Variants in COL23A1 observed in about 807,000 individuals in gnomAD.
COL23A1 encodes collagen alpha-1(XXIII) chain.
Under a neutral mutation model 99.3 loss-of-function variants are expected in COL23A1, and 97 were observed. That is an observed-to-expected ratio of 0.98 (90% CI 0.83 to 1.16). The LOEUF is 1.16. Among genes scored for constraint, COL23A1 ranks in the 50% most tolerant of loss-of-function variants. The pLI, the probability that COL23A1 is intolerant of heterozygous loss-of-function variation, is 0.00. For missense variants in COL23A1, 762 were observed against 757.4 expected (o/e 1.01, Z -0.07); for synonymous variants, 320 against 308.2 (o/e 1.04, Z -0.40).
intron 2 of COL23A1, among the ~76,000 whole-genome samples, chr5:178,519,109 G>T (rs1400631963): frequency 6.6e-6 from 1 of 152,078 alleles, no homozygotes; most frequent in African/African-American, 2.4e-5. Flanking sequence ...ACCCCAGCCC[G>T]CGGCGCCTTC....
intron 2 of COL23A1, among the ~76,000 whole-genome samples, chr5:178,553,726 T>G (rs567245281): frequency 6.6e-6 from 1 of 152,272 alleles, no homozygotes; most frequent in East Asian, 1.9e-4. Context: ...CCACACACTT[T>G]CCTTTTCTGT....
chr5:178,384,909 G>T lies in COL23A1; in HGVS notation c.362-77990C>A, dbSNP rs1763588722. Among the ~76,000 whole-genome samples, 1 of 151,676 alleles carries T rather than the reference G, an allele frequency of 6.6e-6. No individual in the cohort carries two copies. The highest frequency in any genetic ancestry group is 1.5e-5 in the Non-Finnish European group (1 of 67,872). ...GGAAGAGCGCGGTGAGAGGTCAAAT[G>T]GGTGGCGAGGCTCCCGCTCCTTCCC... is the stretch of plus-strand genomic sequence containing the variant. On this transcript the variant is annotated intron_variant, in intron 2 of 28. Transcript: ENST00000390654. This position sits in a 1 kb window ranked among gnomAD's most constrained non-coding sequence, Gnocchi z 5.5.
intron 1 of COL23A1, among the ~76,000 whole-genome samples, chr5:178,573,559 G>C (rs1327137273): frequency 6.6e-6 from 1 of 152,322 alleles, no homozygotes; most frequent in East Asian, 1.9e-4. Context: ...TGTTTTGAAA[G>C]GGTTGGTCTA....
rs1767066444 is a variant in COL23A1 at position 178,444,755 on chromosome 5, C to A, written c.361+115927G>T. ...AGGTTGCAGTGAGCTGAGATGGCGC[C>A]ACTGCACTCCAACCTGGGCGACAGA... On this transcript the variant is annotated intron_variant, in intron 2 of 28. Transcript: ENST00000390654. Among the ~76,000 whole-genome samples, 4 of 152,152 alleles carry A rather than the reference C, an allele frequency of 2.6e-5. No individual in the cohort carries two copies. In the South Asian group the frequency reaches 8.3e-4, roughly 31 times the overall value.
chr5:178,416,686 G>T (rs1581347454), intron 2 of COL23A1, among the ~76,000 whole-genome samples: 2 of 152,216 alleles, frequency 1.3e-5, no homozygotes, highest in South Asian at 4.1e-4. Context: ...TTTCACAGAT[G>T]AGGAAACTGA....
At chr5:178,267,041 C>T (rs1054283472) in intron 8 of COL23A1, among the ~76,000 whole-genome samples, 2 of 152,232 alleles carry the variant, frequency 1.3e-5, no homozygotes, top group Non-Finnish European at 1.5e-5. Flanking sequence ...TCTGGGGTCA[C>T]GTGCCAGCCC....
At chr5:178,269,618 CCATCCATT>C (rs1223920835) in intron 6 of COL23A1, among the ~76,000 whole-genome samples, 3 of 145,810 alleles carry the variant, frequency 2.1e-5, no homozygotes, top group Non-Finnish European at 4.5e-5. Flanking sequence ...ATCCATCCAT[CCATCCATT>C]CATCCACCCA....
chr5:178,550,418 C>T (rs938313911), intron 2 of COL23A1, among the ~76,000 whole-genome samples: 6 of 152,134 alleles, frequency 3.9e-5, no homozygotes, highest in Non-Finnish European at 8.8e-5. Context: ...GCCAGTAGCA[C>T]CCACAAAGTA....
intron 1 of COL23A1, among the ~76,000 whole-genome samples, chr5:178,577,170 G>T (rs1342289442): frequency 6.6e-6 from 1 of 152,178 alleles, no homozygotes. Flanking sequence ...GCCGTCCGGG[G>T]ATCCCGCGGG....
At chr5:178,552,887 T>A (rs189090172) in intron 2 of COL23A1, among the ~76,000 whole-genome samples, 5 of 152,178 alleles carry the variant, frequency 3.3e-5, no homozygotes, top group Non-Finnish European at 5.9e-5. Flanking sequence ...CTAATTTTTG[T>A]ATTTTTAGTA....
At chr5:178,443,249 G>C (rs183564533) in intron 2 of COL23A1, among the ~76,000 whole-genome samples, 148 of 152,232 alleles carry the variant, frequency 9.7e-4, no homozygotes, top group South Asian at 1.9e-3. Context: ...TACTTTCTCA[G>C]TGAGCTGCAA....
chr5:178,370,802 C>T (rs558359812), intron 2 of COL23A1, among the ~76,000 whole-genome samples: 45 of 152,146 alleles, frequency 3.0e-4, no homozygotes, highest in Non-Finnish European at 6.0e-4. Flanking sequence ...ATTAGCCCAG[C>T]GTGGTGGTGT....
chr5:178,502,418 A>G (rs891259285), intron 2 of COL23A1, among the ~76,000 whole-genome samples: 11 of 152,238 alleles, frequency 7.2e-5, no homozygotes, highest in African/African-American at 2.2e-4. Flanking sequence ...GGCGTGAGCC[A>G]CTGCGCCCAG....
chr5:178,521,104 T>C (rs181430377), intron 2 of COL23A1, among the ~76,000 whole-genome samples: 10 of 152,270 alleles, frequency 6.6e-5, no homozygotes, highest in East Asian at 1.9e-4. Context: ...CCATAGATGA[T>C]TGCAACACAG....
intron 3 of COL23A1, among the ~76,000 whole-genome samples, chr5:178,304,872 C>T (rs1255859247): frequency 6.6e-6 from 1 of 152,138 alleles, no homozygotes; most frequent in African/African-American, 2.4e-5. Flanking sequence ...GTCTGAGGAT[C>T]GCATGAGATA....
At chr5:178,267,176 G>C in intron 8 of COL23A1, 131 bp downstream of exon 8, 1 of 992,680 alleles carries the variant, frequency 1.0e-6, no homozygotes, top group Non-Finnish European at 1.6e-6. Flanking sequence ...CTATGGGTGG[G>C]GAAGAGCCCT....
chr5:178,282,475 A>G (rs935506693), intron 5 of COL23A1, among the ~76,000 whole-genome samples: 1 of 152,196 alleles, frequency 6.6e-6, no homozygotes, highest in African/African-American at 2.4e-5. Context: ...TCTCCTGCCA[A>G]TAAGCAGCCC....
intron 2 of COL23A1, among the ~76,000 whole-genome samples, chr5:178,343,667 T>A (rs956150480): frequency 0.017 from 1,821 of 106,588 alleles, 24 homozygotes; most frequent in African/African-American, 0.041. Flanking sequence ...ATATATATTT[T>A]TTTTTTTTTT....
chr5:178,354,855 G>A (rs577774365), intron 2 of COL23A1, among the ~76,000 whole-genome samples: 6 of 152,202 alleles, frequency 3.9e-5, no homozygotes, highest in South Asian at 2.1e-4. Flanking sequence ...TCAGGAGTTC[G>A]AAACCAGCCT....
Sources: allele counts gnomAD v4.1 joint callset (sites outside exome capture counted in the v4.1 genomes callset), GRCh38; gene constraint gnomAD v4.1.1; non-coding constraint Gnocchi (gnomAD v3.1); transcripts MANE v1.5; gene names NCBI Gene and HGNC (gene_info 2026-07-23, HGNC 2026-07-21).